NLGN4X: variants seen among roughly 807,000 people sequenced by gnomAD.
The protein encoded by NLGN4X is neuroligin-4, X-linked.
In NLGN4X, 3 loss-of-function variants were observed where a neutral mutation model predicts 40.3. The ratio of observed to expected loss-of-function variants is 0.07; its 90% CI spans 0.03 to 0.19. NLGN4X has a LOEUF of 0.19. Among genes scored for constraint, NLGN4X ranks in the 10% least tolerant of loss-of-function variants. The pLI, the probability that NLGN4X is intolerant of heterozygous loss-of-function variation, is 1.00. For missense variants in NLGN4X, 382 were observed against 708.3 expected (o/e 0.54, Z 5.23); for synonymous variants, 270 against 306.8 (o/e 0.88, Z 1.25).
intron 2 of NLGN4X, among the ~76,000 whole-genome samples, chrX:6,138,930 T>G (rs1331051857): frequency 9.0e-6 from 1 of 111,383 alleles, no homozygotes; most frequent in Non-Finnish European, 1.9e-5. Flanking sequence ...CAAAGATCCC[T>G]GTAGAATGTG....
intron 3 of NLGN4X, among the ~76,000 whole-genome samples, chrX:5,972,827 C>T (rs1344312632): frequency 1.8e-5 from 2 of 110,627 alleles, no homozygotes; most frequent in African/African-American, 6.6e-5. Flanking sequence ...GGATTACAGG[C>T]ATGAGACACT....
intron 3 of NLGN4X, among the ~76,000 whole-genome samples, chrX:5,982,313 C>G (rs758115463): frequency 8.9e-6 from 1 of 112,194 alleles, no homozygotes; most frequent in Non-Finnish European, 1.9e-5. Flanking sequence ...GATTAACTGT[C>G]TGAAATTTCT....
At position 5,904,120 on chromosome X, in the gene NLGN4X, T is replaced by C. The variant is rs969666262; in HGVS notation, c.812-254A>G. 2.7e-5 allele frequency among the ~76,000 whole-genome samples: 3 copies of C among 111,389 alleles called. No individual in the cohort carries two copies. The East Asian group carries it at 8.5e-4, about 31-fold the overall frequency. ...ACGAGTTTAAGGAAATGAAACCACATTGACACTTCTCCTGCACTGGTAAAA... is the reference window on the plus strand; with the variant it reads ...ACGAGTTTAAGGAAATGAAACCACACTGACACTTCTCCTGCACTGGTAAAA... On this transcript the variant is annotated intron_variant, in intron 4 of 5. Transcript: ENST00000381095.
chrX:5,974,482 C>T (rs1268266820), intron 3 of NLGN4X, among the ~76,000 whole-genome samples: 1 of 111,489 alleles, frequency 9.0e-6, no homozygotes. Context: ...AGGAGTGTCC[C>T]TTTTTCCAAA....
chrX:6,049,069 T>C (rs1331819071), intron 2 of NLGN4X, among the ~76,000 whole-genome samples: 2 of 102,833 alleles, frequency 1.9e-5, no homozygotes, highest in African/African-American at 7.1e-5. Context: ...TTTTTGCATA[T>C]AGATATTTGT....
At chrX:6,130,643 TGTAAA>T (rs1569255456) in intron 2 of NLGN4X, among the ~76,000 whole-genome samples, 2 of 113,023 alleles carry the variant, frequency 1.8e-5, no homozygotes, top group African/African-American at 6.4e-5. Context: ...AAGAAACAAA[TGTAAA>T]GTAACAAATC....
chrX:6,119,944 TAGATA>T (rs1293776182), intron 2 of NLGN4X, among the ~76,000 whole-genome samples: 5 of 111,532 alleles, frequency 4.5e-5, no homozygotes, highest in South Asian at 3.8e-4. Flanking sequence ...AAATGTAGAT[TAGATA>T]AATTAATTAA....
chrX:6,123,880 TA>T (rs1427688351), intron 2 of NLGN4X, among the ~76,000 whole-genome samples: 7 of 103,217 alleles, frequency 6.8e-5, no homozygotes, highest in Non-Finnish European at 1.2e-4. Context: ...TTGATAAATA[TA>T]AAATATAAAA....
intron 2 of NLGN4X, among the ~76,000 whole-genome samples, chrX:6,148,829 T>C (rs994640514): frequency 8.9e-6 from 1 of 111,773 alleles, no homozygotes; most frequent in Non-Finnish European, 1.9e-5. Flanking sequence ...TGGTTCTTCG[T>C]TGATAGAGTT....
At chrX:5,912,009 A>C (rs369100695) in intron 3 of NLGN4X, among the ~76,000 whole-genome samples, 6 of 112,247 alleles carry the variant, frequency 5.3e-5, no homozygotes, top group Non-Finnish European at 1.1e-4. Context: ...TTGAATGATT[A>C]CCAGCCATTA....
At chrX:5,902,458 A>G (rs1263396233) in intron 5 of NLGN4X, among the ~76,000 whole-genome samples, 2 of 110,549 alleles carry the variant, frequency 1.8e-5, no homozygotes, top group Non-Finnish European at 3.8e-5. Context: ...TCGAGGCTTC[A>G]GTGAGCTATG....
chrX:6,202,471 A>G (rs5915657), intron 1 of NLGN4X, among the ~76,000 whole-genome samples: 12,043 of 107,274 alleles, frequency 0.11, 637 homozygotes, highest in African/African-American at 0.19. Context: ...CCGAGTAGGT[A>G]GGACTACAGG....
chrX:6,042,791 T>C (rs2037210828), intron 2 of NLGN4X, among the ~76,000 whole-genome samples: 1 of 92,434 alleles, frequency 1.1e-5, no homozygotes, highest in Non-Finnish European at 2.1e-5. Context: ...AGAAACCTAA[T>C]AATGCCTGGC....
intron 2 of NLGN4X, among the ~76,000 whole-genome samples, chrX:6,072,724 G>A (rs916255262): frequency 5.4e-5 from 6 of 111,233 alleles, no homozygotes; most frequent in Admixed American, 9.6e-5. Flanking sequence ...ATTCAGTGCC[G>A]CCATAGCCCT....
At chrX:6,218,230 A>T in intron 1 of NLGN4X, among the ~76,000 whole-genome samples, 1 of 111,659 alleles carries the variant, frequency 9.0e-6, no homozygotes, top group Admixed American at 9.5e-5. Context: ...GAATCATATT[A>T]ACTCCATGAT....
At chrX:6,170,813 A>C (rs962245473) in intron 1 of NLGN4X, among the ~76,000 whole-genome samples, 1 of 111,220 alleles carries the variant, frequency 9.0e-6, no homozygotes, top group African/African-American at 3.3e-5. Context: ...CCACCACTCT[A>C]TTTGCCCCTT....
Position 6,029,362 on chromosome X carries a change from G to A in NLGN4X, c.543C>T (p.Thr181=), listed in dbSNP as rs764195668. Residue 181 remains threonine (T), a synonymous_variant, in exon 3 of 6, where the codon ACC becomes ACT. Transcript: ENST00000381095. ...AAATGCTGCCGTCAATCATGTTGCC[G>A]GTGCCCTCCATGTAAGATCCCCCAT... ...YIHGGSYMEG[T]GNMIDGSILA... 9.9e-6 allele frequency: 12 copies of A among 1,208,160 alleles called. No homozygotes were observed. The highest frequency in any genetic ancestry group is 5.3e-5 in the South Asian group (3 of 56,731).
intron 2 of NLGN4X, among the ~76,000 whole-genome samples, chrX:6,147,729 A>G (rs1210123384): frequency 9.0e-6 from 1 of 110,952 alleles, no homozygotes; most frequent in Non-Finnish European, 1.9e-5. Flanking sequence ...TCGGTCTCCA[A>G]CTGTTCCTTG....
intron 2 of NLGN4X, among the ~76,000 whole-genome samples, chrX:6,089,006 T>C (rs1435297193): frequency 8.9e-6 from 1 of 111,867 alleles, no homozygotes; most frequent in East Asian, 2.8e-4. Context: ...TTTCAATATA[T>C]TAAATTAATA....
Sources: gnomAD v4.1 joint callset for allele counts (sites outside exome capture counted in the v4.1 genomes callset) on GRCh38, gnomAD v4.1.1 for gene constraint, MANE v1.5 for transcripts, NCBI Gene and HGNC (gene_info 2026-07-23, HGNC 2026-07-21) for gene names.